Variants in FAT2 observed in about 807,000 individuals in gnomAD.
FAT2 encodes the protein FAT atypical cadherin 2.
FAT2 carries 150 observed loss-of-function variants against 295.3 expected under a neutral mutation model. The ratio of observed to expected loss-of-function variants is 0.51; its 90% CI spans 0.44 to 0.58. The LOEUF (loss-of-function observed/expected upper bound fraction) is 0.58. FAT2 is among the 20% of genes least tolerant of loss of function. FAT2 has a pLI of 0.00. For missense variants in FAT2, 4,868 were observed against 5,442.7 expected (o/e 0.89, Z 3.32); for synonymous variants, 2,026 against 2,150.3 (o/e 0.94, Z 1.60).
rs1458947508 is a variant in FAT2, at chr5:151,565,927, C to G, written c.3005G>C (p.Ser1002Thr). 4 of 1,613,900 alleles carry G rather than the reference C, an allele frequency of 2.5e-6. No homozygotes were observed. The highest frequency in any genetic ancestry group is 2.7e-5 in the African/African-American group (2 of 74,928). ...GCGGGCTAGGGGCCTCCCACCATCA[C>G]TGGCCCACAGGCTCAGATTGTACCC... is the stretch of plus-strand genomic sequence containing the variant. ...RAGYNLSLWA[S>T]DGGRPLARRT... Residue 1002 changes from serine to threonine, a missense_variant, in exon 2 of 24, where the codon AGT becomes ACT. Around this residue, in one of 5 missense-constraint regions of FAT2, gnomAD observed 3,297 missense variants for 3,669.4 expected, o/e 0.90. Transcript: ENST00000261800.
chr5:151,534,854 G>A, intron 12 of FAT2, among the ~76,000 whole-genome samples: 1 of 151,522 alleles, frequency 6.6e-6, no homozygotes, highest in Non-Finnish European at 1.5e-5. Context: ...CACATTGCCA[G>A]TTTAAGATCA....
Position 151,529,267 on chromosome 5 carries a change from C to T in FAT2, c.9937G>A (p.Asp3313Asn). 12 of 1,614,122 alleles carry T rather than the reference C, an allele frequency of 7.4e-6. No individual in the cohort carries two copies. Among genetic ancestry groups the T allele is most frequent in the Non-Finnish European group, 1.0e-5 (12 of 1,180,006 alleles). Residue 3313 changes from aspartate (D) to asparagine (N), a missense_variant, in exon 15 of 24, where the codon GAT becomes AAT. By Grantham distance (23) the Asp-to-Asn change is conservative. Around this residue, in one of 5 missense-constraint regions of FAT2, gnomAD observed 1,046 missense variants for 1,210.1 expected, o/e 0.86. Transcript: ENST00000261800. ...AATTGGGGCCGGTGTTCATTGACAT[C>T]AGTGATGTTGACCATGACTGTGGTC... ...DVTTVMVNIT[D>N]VNEHRPQFPQ...
chr5:151,505,531 G>A lies in FAT2; in HGVS notation c.*34C>T, dbSNP rs781429645. Reference sequence around the variant, plus strand: ...AAGAAATAAGCCAAGTCCAGTCCTTGGCCTCCCGCCTGCCTTGCTCTGGGA... The same window carrying A: ...AAGAAATAAGCCAAGTCCAGTCCTTAGCCTCCCGCCTGCCTTGCTCTGGGA... On this transcript the variant is annotated 3_prime_UTR_variant, in exon 24 of 24. Transcript: ENST00000261800. 1.2e-6 allele frequency: 2 copies of A among 1,612,438 alleles called. No homozygotes were observed. Among genetic ancestry groups the A allele is most frequent in the East Asian group, 4.5e-5 (2 of 44,850 alleles).
Position 151,557,080 on chromosome 5 carries a change from T to C in FAT2, c.3575-678A>G, listed in dbSNP as rs1757763780. 2.0e-5 allele frequency among the ~76,000 whole-genome samples: 3 copies of C among 152,200 alleles called. No individual in the cohort carries two copies. The South Asian group carries it at 6.2e-4, about 32-fold the overall frequency. ...TCGGCCCACCACGAGCAGCCTCCCGTCAGGATGGTTGCCAGCTGGAAGCAA... is the reference window on the plus strand; with the variant it reads ...TCGGCCCACCACGAGCAGCCTCCCGCCAGGATGGTTGCCAGCTGGAAGCAA... On this transcript the variant is annotated intron_variant, in intron 3 of 23. Transcript: ENST00000261800.
rs781269068 is a variant in FAT2, at chr5:151,527,301, A to G, written c.10241T>C (p.Ile3414Thr). ...GTTATCATTGACATCAGCCACTTGG[A>G]TAGCGATGTCTGTGTCCTCATGCAG... ...PPLHEDTDIA[I>T]QVADVNDNPP... Residue 3414 changes from isoleucine (I) to threonine (T), a missense_variant, in exon 17 of 24, where the codon ATC becomes ACC. Transcript: ENST00000261800. The G allele has an allele frequency of 6.2e-7, 1 of 1,613,660 alleles. No individual in the cohort carries two copies.
intron 6 of FAT2, among the ~76,000 whole-genome samples, chr5:151,552,270 GC>G (rs1447078285): frequency 6.6e-6 from 1 of 152,128 alleles, no homozygotes; most frequent in East Asian, 1.9e-4. Flanking sequence ...ACAGGTGCGA[GC>G]CACTGTGCCC....
At chr5:151,547,785 T>C (rs10035812) in intron 9 of FAT2, among the ~76,000 whole-genome samples, 2,619 of 152,292 alleles carry the variant, frequency 0.017, 48 homozygotes, top group African/African-American at 0.039. Context: ...GGCACAAAAT[T>C]GTATATTCAT....
intron 17 of FAT2, among the ~76,000 whole-genome samples, chr5:151,527,010 C>T (rs1235672903): frequency 1.3e-5 from 2 of 152,208 alleles, no homozygotes; most frequent in Admixed American, 1.3e-4. Flanking sequence ...CTTCATATGG[C>T]TGTTATGAGT....
rs918150973 is a variant in FAT2 at position 151,567,802 on chromosome 5, G to T, written c.1130C>A (p.Pro377His). Residue 377 changes from proline (P) to histidine (H), a missense_variant, in exon 2 of 24, where the codon CCT becomes CAT. Physicochemically the swap from Pro to His is moderately conservative, Grantham distance 77 (BLOSUM62 -2). Around this residue, in one of 5 missense-constraint regions of FAT2, gnomAD observed 3,297 missense variants for 3,669.4 expected, o/e 0.90. Transcript: ENST00000261800. ...TCTCACCATCACCACGCGGCTGCCA[G>T]GAGGGGAAAACTCACTAAGCTGCAC... ...YRVQLSEFSPPGSRVVMVRVT... is the reference protein window; with the variant it reads ...YRVQLSEFSPHGSRVVMVRVT... 2.5e-6 allele frequency: 4 copies of T among 1,614,206 alleles called. No homozygotes were observed. The highest frequency in any genetic ancestry group is 4.5e-5 in the East Asian group (2 of 44,884).
rs1247366450 is a variant in FAT2 at position 151,568,498 on chromosome 5, T to C, written c.434A>G (p.Lys145Arg). The change falls in exon 2 of 24, where the codon AAG becomes AGG. Residue 145 changes from lysine to arginine, a missense_variant. Coordinates refer to ENST00000261800, the MANE Select transcript of FAT2 (RefSeq NM_001447.3). ...GTACGAAGGTGGAGAGAAGAGAGGC[T>C]TCAGGTCATTCTGGTCCAGGATGTG... is the stretch of plus-strand genomic sequence containing the variant. ...VVHILDQNDL[K>R]PLFSPPSYRV... 1.2e-6 allele frequency: 2 copies of C among 1,614,002 alleles called. No individual in the cohort carries two copies. Among genetic ancestry groups the C allele is most frequent in the Admixed American group, 1.7e-5 (1 of 59,992 alleles).
intron 15 of FAT2, among the ~76,000 whole-genome samples, 165 bp downstream of exon 15, chr5:151,529,013 T>G (rs1444484789): frequency 6.6e-6 from 1 of 152,200 alleles, no homozygotes; most frequent in African/African-American, 2.4e-5. Flanking sequence ...GAGCATTGTT[T>G]GGCCATACTC....
chr5:151,563,222 G>T, intron 3 of FAT2, 103 bp downstream of exon 3: 1 of 1,143,244 alleles, frequency 8.7e-7, no homozygotes, highest in South Asian at 1.4e-5. Context: ...CAGAGAATTT[G>T]AATTTCCAAG....
chr5:151,528,717 G>A (rs11167550), intron 15 of FAT2, among the ~76,000 whole-genome samples: 45,005 of 151,982 alleles, frequency 0.3, 7,853 homozygotes, highest in East Asian at 0.52. Flanking sequence ...GTGGGAGTAT[G>A]GGTGGACAGA....
chr5:151,507,566 G>T lies in FAT2; in HGVS notation c.12105C>A (p.Val4035=). The T allele has an allele frequency of 6.2e-7, 1 of 1,613,882 alleles. No homozygotes were observed. ...ARGCSEGHCL[V]TPEIQRGDWG... ...AGTCCCCCCTTTGGATCTCGGGAGT[G>T]ACTAGGCAGTGTCCTTCTGAACAAC... is the stretch of plus-strand genomic sequence containing the variant. The change falls in exon 23 of 24, where the codon GTC becomes GTA. Residue 4035 remains valine, a synonymous_variant. Transcript: ENST00000261800.
In FAT2 at chr5:151,566,950, T is replaced by C; in HGVS notation, c.1982A>G (p.Asp661Gly). 2 of 1,614,098 alleles carry C rather than the reference T, an allele frequency of 1.2e-6. No individual in the cohort carries two copies. Among genetic ancestry groups the C allele is most frequent in the Non-Finnish European group, 1.7e-6 (2 of 1,179,976 alleles). The change falls in exon 2 of 24, where the codon GAC becomes GGC. Residue 661 changes from aspartate (D) to glycine (G), a missense_variant. This residue lies in a region of FAT2 where 3,297 missense variants were observed against 3,669.4 expected (regional missense o/e 0.90). Coordinates refer to ENST00000261800, the MANE Select transcript of FAT2 (RefSeq NM_001447.3). ...PTTLNITVVK[D>G]PHFEVPVTCD... ...TGTTACAGGAACTTCAAAATGAGGG[T>C]CCTTCACCACAGTAATATTCAAAGT...
At chr5:151,571,063 C>A (rs1031347231) in intron 1 of FAT2, among the ~76,000 whole-genome samples, 3 of 152,110 alleles carry the variant, frequency 2.0e-5, no homozygotes, top group African/African-American at 7.2e-5. Context: ...AAAGAGAGGG[C>A]AGGAAGGTGG....
intron 10 of FAT2, 132 bp from the exon 11 acceptor site, chr5:151,540,895 A>ACC: frequency 2.6e-6 from 2 of 781,070 alleles, no homozygotes; most frequent in East Asian, 2.7e-5. Context: ...CTTAACTAGG[A>ACC]ACCCACGATT....
chr5:151,557,210 T>C (rs1757777577), intron 3 of FAT2, among the ~76,000 whole-genome samples: 1 of 152,198 alleles, frequency 6.6e-6, no homozygotes, highest in Non-Finnish European at 1.5e-5. Flanking sequence ...CTGGATGTCT[T>C]CTGCTCATCA....
rs767485197 is a variant in FAT2, at chr5:151,542,295, G to A, written c.8832C>T (p.Cys2944=). The A allele has an allele frequency of 1.3e-6, 2 of 1,596,952 alleles. No homozygotes were observed. The highest frequency in any genetic ancestry group is 1.3e-5 in the African/African-American group (1 of 74,504). The change falls in exon 10 of 24, where the codon TGC becomes TGT. Residue 2944 remains cysteine (C), a synonymous_variant. Transcript: ENST00000261800. ...GACAGGTGTTCTTACCTGTGATGTAGCAGGTGACCTGCCTGTTCTGCTCAG... is the reference window on the plus strand; with the variant it reads ...GACAGGTGTTCTTACCTGTGATGTAACAGGTGACCTGCCTGTTCTGCTCAG... ...DISEQNRQVT[C]YITEGDPLGQ...
Sources: gnomAD v4.1 joint callset for allele counts (sites outside exome capture counted in the v4.1 genomes callset) on GRCh38, gnomAD v4.1.1 for gene constraint, gnomAD v4.1.1 regional missense constraint, MANE v1.5 for transcripts, NCBI Gene and HGNC (gene_info 2026-07-23, HGNC 2026-07-21) for gene names.